STK3: variants seen among roughly 807,000 people sequenced by gnomAD.
STK3 encodes serine/threonine-protein kinase 3.
A neutral mutation model predicts 58.0 loss-of-function variants in STK3; 41 were observed. That is an observed-to-expected ratio of 0.71 (90% CI 0.55 to 0.92). STK3 has a LOEUF of 0.92. Among genes scored for constraint, STK3 ranks in the 40% least tolerant of loss-of-function variants. STK3 has a pLI of 0.00. For synonymous variants in STK3, 170 were observed against 191.0 expected, an observed-to-expected ratio of 0.89 and a Z score of 0.91; for missense variants, 479 against 602.7, an observed-to-expected ratio of 0.79 and a Z score of 2.15.
chr8:98,551,632 C>G (rs1249339181), intron 8 of STK3, among the ~76,000 whole-genome samples: 1 of 152,126 alleles, frequency 6.6e-6, no homozygotes, highest in Non-Finnish European at 1.5e-5. Context: ...GCGAGGACAT[C>G]TACCCAGCAA....
At chr8:98,409,124 G>A (rs879828840) in intron 3 of STK3, among the ~76,000 whole-genome samples, 9 of 152,298 alleles carry the variant, frequency 5.9e-5, no homozygotes, top group Non-Finnish European at 1.2e-4. Flanking sequence ...CTCAGTTGAA[G>A]CTTTCTCAGA....
At chr8:98,561,322 C>T (rs1812020103) in intron 8 of STK3, among the ~76,000 whole-genome samples, 2 of 149,584 alleles carry the variant, frequency 1.3e-5, no homozygotes, top group South Asian at 4.2e-4. Flanking sequence ...AAAAAGGACC[C>T]AGATATAGAC....
the STK3 span, among the ~76,000 whole-genome samples, chr8:98,353,495 T>C: frequency 6.6e-6 from 1 of 151,544 alleles, no homozygotes; most frequent in Non-Finnish European, 1.5e-5. Context: ...TGTTTCTAAA[T>C]AAAAATAATA....
intron 10 of STK3, among the ~76,000 whole-genome samples, chr8:98,497,711 T>A (rs1251056152): frequency 6.6e-6 from 1 of 152,134 alleles, no homozygotes; most frequent in Non-Finnish European, 1.5e-5. Context: ...CATCATCAGC[T>A]ATTAGGTAAA....
At chr8:98,590,733 G>T (rs1055290598) in intron 7 of STK3, among the ~76,000 whole-genome samples, 6 of 152,140 alleles carry the variant, frequency 3.9e-5, no homozygotes, top group African/African-American at 1.2e-4. Flanking sequence ...ATGTAAGTTT[G>T]TAAGTTTATC....
intron 3 of STK3, chr8:98,432,246 C>A (rs1368662055): frequency 6.0e-6 from 1 of 166,986 alleles, no homozygotes; most frequent in African/African-American, 2.4e-5. Context: ...GACCTGTAAA[C>A]CTCCTTTAGG....
At chr8:98,614,483 G>A (rs910978208) in intron 6 of STK3, among the ~76,000 whole-genome samples, 1 of 152,128 alleles carries the variant, frequency 6.6e-6, no homozygotes, top group African/African-American at 2.4e-5. Context: ...GAACAGCTCC[G>A]GTCTACAGCT....
At chr8:98,738,546 G>C (rs1177392897) in intron 4 of STK3, among the ~76,000 whole-genome samples, 1 of 152,010 alleles carries the variant, frequency 6.6e-6, no homozygotes, top group Non-Finnish European at 1.5e-5. Context: ...AAAGACAAGG[G>C]AATTGCATCC....
chr8:98,600,656 G>C (rs1190080068), intron 6 of STK3, among the ~76,000 whole-genome samples: 1 of 151,864 alleles, frequency 6.6e-6, no homozygotes, highest in African/African-American at 2.4e-5. Context: ...TCAGTCTCTA[G>C]AAAAAAGTGG....
At chr8:98,347,176 T>G in the STK3 span, among the ~76,000 whole-genome samples, 1 of 151,792 alleles carries the variant, frequency 6.6e-6, no homozygotes, top group Non-Finnish European at 1.5e-5. Context: ...CAAAGAGTTA[T>G]AGCTAATAAA....
chr8:98,900,004 T>A (rs1838594995), intron 1 of STK3, among the ~76,000 whole-genome samples: 1 of 152,230 alleles, frequency 6.6e-6, no homozygotes, highest in African/African-American at 2.4e-5. Context: ...GTAATATAAA[T>A]GTATACATGA....
chr8:98,589,641 T>TG (rs1563775756), intron 7 of STK3, among the ~76,000 whole-genome samples: 1 of 152,370 alleles, frequency 6.6e-6, no homozygotes, highest in Non-Finnish European at 1.5e-5. Context: ...TCGAGCTTCC[T>TG]GGCTGCTTTG....
At chr8:98,568,087 AG>A (rs1812648882) in intron 8 of STK3, among the ~76,000 whole-genome samples, 1 of 151,972 alleles carries the variant, frequency 6.6e-6, no homozygotes, top group Non-Finnish European at 1.5e-5. Context: ...ATAGATAGAT[AG>A]ATAGATAGAT....
intron 1 of STK3, among the ~76,000 whole-genome samples, chr8:98,386,237 T>C (rs1199020526): frequency 1.3e-5 from 2 of 152,242 alleles, no homozygotes; most frequent in East Asian, 3.9e-4. Context: ...CAAAGAAATA[T>C]TGACAAAAGT....
intron 1 of STK3, among the ~76,000 whole-genome samples, chr8:98,892,634 C>A (rs1321889179): frequency 6.6e-6 from 1 of 152,140 alleles, no homozygotes; most frequent in African/African-American, 2.4e-5. Flanking sequence ...CCGTTTCCTA[C>A]CTTTGTTCCC....
At chr8:98,847,983 C>T (rs984468626) in intron 3 of STK3, among the ~76,000 whole-genome samples, 3 of 152,100 alleles carry the variant, frequency 2.0e-5, no homozygotes, top group African/African-American at 7.2e-5. Flanking sequence ...TATGTCATTC[C>T]CCTTCAGCAT....
chr8:98,416,185 G>A (rs1360123073), intron 3 of STK3, among the ~76,000 whole-genome samples: 1 of 152,220 alleles, frequency 6.6e-6, no homozygotes, highest in Non-Finnish European at 1.5e-5. Flanking sequence ...AAACTTAAGA[G>A]GGGCCAGGGA....
intron 4 of STK3, among the ~76,000 whole-genome samples, chr8:98,734,913 T>G (rs1364866585): frequency 6.6e-6 from 1 of 151,754 alleles, no homozygotes; most frequent in East Asian, 1.9e-4. Flanking sequence ...TGGTTAAAAT[T>G]ATCAAGATAC....
intron 6 of STK3, among the ~76,000 whole-genome samples, chr8:98,664,930 A>G (rs894555087): frequency 6.6e-6 from 1 of 152,090 alleles, no homozygotes; most frequent in Non-Finnish European, 1.5e-5. Flanking sequence ...ATCTAGGTAT[A>G]GTAAGTAGTT....
Sources: allele counts gnomAD v4.1 joint callset (sites outside exome capture counted in the v4.1 genomes callset), GRCh38; gene constraint gnomAD v4.1.1; transcripts MANE v1.5; gene names NCBI Gene and HGNC (gene_info 2026-07-23, HGNC 2026-07-21).